AK9: variants seen among roughly 807,000 people sequenced by gnomAD.
AK9 encodes adenylate kinase domain containing 1.
A neutral mutation model predicts 239.6 loss-of-function variants in AK9; 191 were observed. The ratio of observed to expected loss-of-function variants is 0.80; its 90% CI spans 0.71 to 0.90. AK9 has a LOEUF of 0.90. AK9 is among the 40% of genes least tolerant of loss of function. The pLI, the probability that AK9 is intolerant of heterozygous loss-of-function variation, is 0.00. For missense variants in AK9, 1,995 were observed against 2,214.7 expected (o/e 0.90, Z 1.99); for synonymous variants, 689 against 721.0 (o/e 0.96, Z 0.71).
chr6:109,664,967 G>A (rs1287840483), intron 5 of AK9, among the ~76,000 whole-genome samples: 1 of 152,084 alleles, frequency 6.6e-6, no homozygotes, highest in Non-Finnish European at 1.5e-5. Flanking sequence ...TTGAACCCTG[G>A]AGGCAGAGGT....
At chr6:109,512,107 TCAGCA>T (rs1778814621) in intron 32 of AK9, among the ~76,000 whole-genome samples, 1 of 151,960 alleles carries the variant, frequency 6.6e-6, no homozygotes, top group Admixed American at 6.6e-5. Context: ...AGACAGAAGG[TCAGCA>T]CAAGATACAG....
intron 17 of AK9, among the ~76,000 whole-genome samples, chr6:109,597,878 T>C (rs931111777): frequency 1.3e-5 from 2 of 152,102 alleles, no homozygotes; most frequent in Non-Finnish European, 1.5e-5. Context: ...AGTGGGCAAC[T>C]TGAGAAACCC....
chr6:109,689,033 A>C (rs1332279214), intron 1 of AK9, among the ~76,000 whole-genome samples: 1 of 152,204 alleles, frequency 6.6e-6, no homozygotes, highest in Non-Finnish European at 1.5e-5. Flanking sequence ...TATGCTCCTC[A>C]GGGATGAAAG....
At chr6:109,634,914 T>C (rs769752136) in intron 10 of AK9, among the ~76,000 whole-genome samples, 2 of 152,232 alleles carry the variant, frequency 1.3e-5, no homozygotes, top group Admixed American at 6.5e-5. Context: ...TAGCAGACCA[T>C]GTTCCTCTCT....
At chr6:109,680,449 A>AC (rs1327228473) in intron 1 of AK9, among the ~76,000 whole-genome samples, 1 of 152,206 alleles carries the variant, frequency 6.6e-6, no homozygotes, top group Non-Finnish European at 1.5e-5. Flanking sequence ...GAAATATGGG[A>AC]CTATGTGAAA....
At chr6:109,614,138 GA>G in intron 15 of AK9, 44 bp downstream of exon 15, 1 of 1,476,368 alleles carries the variant, frequency 6.8e-7, no homozygotes. Flanking sequence ...TGAAATAAAT[GA>G]AAATGAGATC....
At chr6:109,575,351 G>C (rs557727664) in intron 20 of AK9, among the ~76,000 whole-genome samples, 1 of 151,924 alleles carries the variant, frequency 6.6e-6, no homozygotes, top group African/African-American at 2.4e-5. Context: ...ATTATTTTTT[G>C]ATTTTTTAAT....
chr6:109,660,659 G>C (rs527264612), intron 6 of AK9, among the ~76,000 whole-genome samples: 2 of 152,228 alleles, frequency 1.3e-5, no homozygotes, highest in Admixed American at 1.3e-4. Flanking sequence ...ACCTTGACAA[G>C]GACTATCTCC....
chr6:109,563,494 G>C (rs1583021055), intron 24 of AK9, 103 bp downstream of exon 24: 8 of 1,453,602 alleles, frequency 5.5e-6, no homozygotes, highest in Non-Finnish European at 7.3e-6. Context: ...GTGCAAATGA[G>C]AATGTCTGTT....
At chr6:109,611,011 G>C (rs544638096) in intron 16 of AK9, among the ~76,000 whole-genome samples, 5 of 152,150 alleles carry the variant, frequency 3.3e-5, no homozygotes, top group Non-Finnish European at 5.9e-5. Flanking sequence ...TTGGTGTGAA[G>C]TGTGTCCTTG....
chr6:109,619,241 A>G lies in AK9; in HGVS notation c.1255-5T>C. The G allele has an allele frequency of 6.5e-7, 1 of 1,538,534 alleles. No individual in the cohort carries two copies. The highest frequency in any genetic ancestry group is 2.5e-5 in the East Asian group (1 of 40,760). The stretch of plus-strand genomic sequence containing the variant: ...AAGTTGGGCATAGTCGACTACCTGC[A>G]AAGAATATTTGAGAAAATCGACATA... On this transcript the variant is annotated splice_region_variant and splice_polypyrimidine_tract_variant and intron_variant, in intron 12 of 40. Transcript: ENST00000424296.
intron 29 of AK9, among the ~76,000 whole-genome samples, chr6:109,525,230 G>C (rs1300877023): frequency 6.6e-6 from 1 of 152,040 alleles, no homozygotes; most frequent in Non-Finnish European, 1.5e-5. Context: ...TTTTGTACCA[G>C]TACCATGCTG....
intron 27 of AK9, among the ~76,000 whole-genome samples, chr6:109,533,697 ACT>A (rs1015848425): frequency 3.3e-5 from 5 of 152,074 alleles, no homozygotes; most frequent in African/African-American, 7.2e-5. Flanking sequence ...TTAAAAATTT[ACT>A]CTTTTATTTC....
chr6:109,644,514 C>T (rs748184466), intron 9 of AK9, 100 bp downstream of exon 9: 2 of 1,027,352 alleles, frequency 1.9e-6, no homozygotes, highest in South Asian at 3.8e-5. Context: ...AAATGGTGTT[C>T]AAATATAAAT....
At chr6:109,656,051 G>C (rs1169929703) in intron 8 of AK9, among the ~76,000 whole-genome samples, 4 of 152,150 alleles carry the variant, frequency 2.6e-5, no homozygotes, top group Non-Finnish European at 5.9e-5. Context: ...ATAGGCAATT[G>C]GAGGACTGTG....
chr6:109,622,648 G>C lies in AK9; in HGVS notation c.1255-3412C>G, dbSNP rs972586327. 3.4e-5 allele frequency among the ~76,000 whole-genome samples: 5 copies of C among 146,462 alleles called. No homozygotes were observed. In the Admixed American group the frequency reaches 3.5e-4, roughly 10 times the overall value. On this transcript the variant is annotated intron_variant, in intron 12 of 40. Transcript: ENST00000424296. The stretch of plus-strand genomic sequence containing the variant: ...AATATATGTATATAATATATAATGT[G>C]TATTATAGACATAATGTATACATAT...
intron 8 of AK9, among the ~76,000 whole-genome samples, chr6:109,652,277 C>T (rs554128741): frequency 5.3e-5 from 8 of 152,280 alleles, no homozygotes; most frequent in Admixed American, 2.6e-4. Flanking sequence ...TGTAATCCAT[C>T]ATATAAACAG....
intron 17 of AK9, among the ~76,000 whole-genome samples, chr6:109,608,579 A>C (rs1793204713): frequency 6.6e-6 from 1 of 152,194 alleles, no homozygotes; most frequent in Admixed American, 6.5e-5. Flanking sequence ...AATTAGTTTC[A>C]AATGGACCTT....
intron 24 of AK9, among the ~76,000 whole-genome samples, chr6:109,552,391 C>T (rs1164231701): frequency 2.6e-5 from 4 of 152,114 alleles, no homozygotes; most frequent in South Asian, 4.1e-4. Context: ...TTTTAATAAT[C>T]GCCATTTTGG....
Sources: allele counts gnomAD v4.1 joint callset (sites outside exome capture counted in the v4.1 genomes callset), GRCh38; gene constraint gnomAD v4.1.1; transcripts MANE v1.5; gene names NCBI Gene and HGNC (gene_info 2026-07-23, HGNC 2026-07-21).